MLXIP: variants seen among roughly 807,000 people sequenced by gnomAD.
MLXIP encodes MLX interacting protein.
In MLXIP, 30 loss-of-function variants were observed where a neutral mutation model predicts 87.2. The ratio of observed to expected loss-of-function variants is 0.34; its 90% CI spans 0.26 to 0.47. The LOEUF (loss-of-function observed/expected upper bound fraction) is 0.47. MLXIP is among the 20% of genes least tolerant of loss of function. The pLI is 1.00. For missense variants in MLXIP, 1,002 were observed against 1,240.1 expected (o/e 0.81, Z 2.88); for synonymous variants, 530 against 514.0 (o/e 1.03, Z -0.42).
At position 122,142,220 on chromosome 12, in the gene MLXIP, C is replaced by T. The variant is rs369823539; in HGVS notation, c.*408C>T. ...AGGCCCAGCCTTGTCCCTCCTGCCA[C>T]GTCCTGTCCACATGCATGCCTCTGC... On this transcript the variant is annotated 3_prime_UTR_variant, in exon 17 of 17. Transcript: ENST00000319080. The T allele has an allele frequency of 3.7e-5, 26 of 700,296 alleles. No individual in the cohort carries two copies. The highest frequency in any genetic ancestry group is 3.0e-4 in the East Asian group (11 of 37,222). The allele number at this position is 700,296 out of a possible 1,614,324, so 43.4% of individuals were successfully genotyped here.
chr12:122,115,984 G>T (rs892265794), intron 1 of MLXIP, among the ~76,000 whole-genome samples: 1 of 152,034 alleles, frequency 6.6e-6, no homozygotes, highest in South Asian at 2.1e-4. Context: ...CCGGGAGGTG[G>T]AGGTTGCAGT....
At chr12:122,105,792 A>G (rs1952510149) in intron 1 of MLXIP, among the ~76,000 whole-genome samples, 1 of 151,874 alleles carries the variant, frequency 6.6e-6, no homozygotes, top group Admixed American at 6.6e-5. Context: ...AAAAAAAAAA[A>G]ACTTCCCTTT....
chr12:122,120,812 T>C (rs1193408158), intron 1 of MLXIP, among the ~76,000 whole-genome samples: 1 of 152,028 alleles, frequency 6.6e-6, no homozygotes, highest in Non-Finnish European at 1.5e-5. Context: ...CACTGTGAGA[T>C]GCCCCACTCT....
intron 1 of MLXIP, among the ~76,000 whole-genome samples, chr12:122,124,060 A>C (rs1046093608): frequency 1.3e-5 from 2 of 152,068 alleles, no homozygotes; most frequent in African/African-American, 2.4e-5. Flanking sequence ...CCTTGTGCCC[A>C]CAGCCATCTG....
intron 16 of MLXIP, 26 bp from the exon 17 acceptor site, chr12:122,141,665 T>C (rs1335816937): frequency 2.5e-6 from 4 of 1,611,274 alleles, no homozygotes; most frequent in Non-Finnish European, 2.5e-6. Context: ...TGTCACTGCC[T>C]GTGTCTGACC....
chr12:122,132,299 C>G lies in MLXIP; in HGVS notation c.1008C>G (p.Phe336Leu). ...CCTGCTGTTGTTTTTCAGACCTCTT[C>G]TCTTCTAGCCGCTCCATTTTTGGCT... ...MDTFEPFQDL[F>L]SSSRSIFGSM... The change falls in exon 8 of 17, where the codon TTC becomes TTG. Residue 336 changes from phenylalanine (F) to leucine (L), a missense_variant. This residue lies in a region of MLXIP where 746 missense variants were observed against 897.0 expected (regional missense o/e 0.83). Coordinates refer to ENST00000319080, the MANE Select transcript of MLXIP (RefSeq NM_014938.6). 1 of 1,611,344 alleles carries G rather than the reference C, an allele frequency of 6.2e-7. No homozygotes were observed. Among genetic ancestry groups the G allele is most frequent in the Non-Finnish European group, 8.5e-7 (1 of 1,178,720 alleles).
At chr12:122,082,983 G>A (rs1412872977) in intron 1 of MLXIP, among the ~76,000 whole-genome samples, 1 of 152,144 alleles carries the variant, frequency 6.6e-6, no homozygotes, top group African/African-American at 2.4e-5. Flanking sequence ...ACTATGCCTG[G>A]CTAATTTTTT....
Position 122,097,990 on chromosome 12 carries a change from T to TA in MLXIP, c.413+18724_413+18725insA, listed in dbSNP as rs1952381603. Reference sequence around the variant, plus strand: ...CAGGTAGGTAAGCTCACTGGTGCTATGCACGGCCTCCTTCAGATCCTTCTC... The same window carrying TA: ...CAGGTAGGTAAGCTCACTGGTGCTATAGCACGGCCTCCTTCAGATCCTTCTC... On this transcript the variant is annotated intron_variant, in intron 1 of 16. Transcript: ENST00000319080. Among the ~76,000 whole-genome samples, 4 of 152,248 alleles carry TA rather than the reference T, an allele frequency of 2.6e-5. No homozygotes were observed. The South Asian group carries it at 6.2e-4, about 24-fold the overall frequency.
At chr12:122,127,842 G>T in intron 2 of MLXIP, 41 bp from the exon 3 acceptor site, 1 of 1,566,066 alleles carries the variant, frequency 6.4e-7, no homozygotes, top group Admixed American at 1.7e-5. Flanking sequence ...TCCCTCAGGG[G>T]TCTGGATCAT....
chr12:122,142,250 T>C lies in MLXIP; in HGVS notation c.*438T>C, dbSNP rs1953221374. ...TGTCCACATGCATGCCTCTGCCTGA[T>C]GCCCTGCTCCACTCTCTGGTCTGCC... On this transcript the variant is annotated 3_prime_UTR_variant, in exon 17 of 17. Transcript: ENST00000319080. 1.4e-6 allele frequency: 1 copy of C among 698,182 alleles called. No homozygotes were observed. The highest frequency in any genetic ancestry group is 2.6e-6 in the Non-Finnish European group (1 of 382,636). 43.2% of individuals were successfully genotyped at this position (698,182 alleles called of 1,614,324 possible).
At chr12:122,118,037 T>C (rs1952719054) in intron 1 of MLXIP, among the ~76,000 whole-genome samples, 1 of 152,176 alleles carries the variant, frequency 6.6e-6, no homozygotes, top group Admixed American at 6.6e-5. Context: ...ACTACTCTTA[T>C]GCTTTGTGGC....
rs755686073 is a variant in MLXIP, at chr12:122,078,963, A to G, written c.110A>G (p.Glu37Gly). Residue 37 changes from glutamate (E) to glycine (G), a missense_variant, in exon 1 of 17, where the codon GAG becomes GGG. Glu to Gly is a moderately conservative substitution (Grantham distance 98). This residue lies in a region of MLXIP where 129 missense variants were observed against 104.2 expected (regional missense o/e 1.24). Coordinates refer to ENST00000319080, the MANE Select transcript of MLXIP (RefSeq NM_014938.6). ...SEDDDDSDTDEPSPPPASGAA... is the reference protein window; with the variant it reads ...SEDDDDSDTDGPSPPPASGAA... ...GACGACGACGACTCGGACACGGATG[A>G]GCCGTCCCCGCCGCCCGCCTCCGGC... 9.1e-7 allele frequency: 1 copy of G among 1,095,084 alleles called. No individual in the cohort carries two copies. The highest frequency in any genetic ancestry group is 3.0e-5 in the South Asian group (1 of 33,418). The allele number at this position is 1,095,084 out of a possible 1,614,324, so 67.8% of individuals were successfully genotyped here.
intron 8 of MLXIP, chr12:122,132,974 G>C (rs886729877): frequency 4.9e-6 from 1 of 202,496 alleles, no homozygotes; most frequent in Admixed American, 5.6e-5. Context: ...CAGTTGACAC[G>C]TGAAATTGTC....
In MLXIP at chr12:122,127,896, C is replaced by A; in HGVS notation, c.534C>A (p.Arg178=). The part of the protein sequence containing the change: ...RAWYMQYLEK[R]KNPVCHFVTP... ...CTCTCTGCTCAGATCTGGAGAAGCG[C>A]AAGAATCCTGTGTGCCACTTTGTGA... Residue 178 remains arginine, a synonymous_variant, in exon 3 of 17, where the codon CGC becomes CGA. Coordinates refer to ENST00000319080, the MANE Select transcript of MLXIP (RefSeq NM_014938.6). 6.2e-7 allele frequency: 1 copy of A among 1,613,808 alleles called. No homozygotes were observed. Among genetic ancestry groups the A allele is most frequent in the Non-Finnish European group, 8.5e-7 (1 of 1,179,766 alleles).
chr12:122,081,913 C>T (rs1052822591), intron 1 of MLXIP, among the ~76,000 whole-genome samples: 1 of 152,204 alleles, frequency 6.6e-6, no homozygotes, highest in Non-Finnish European at 1.5e-5. Context: ...TCTAACTCTC[C>T]GTGGTACACT....
At chr12:122,136,679 TG>T (rs1953099782) in intron 11 of MLXIP, 1 of 152,104 alleles carries the variant, frequency 6.6e-6, no homozygotes, top group African/African-American at 2.4e-5. Context: ...AGCAAACAGT[TG>T]TCTCCCTCTT....
intron 1 of MLXIP, among the ~76,000 whole-genome samples, chr12:122,112,271 G>A (rs1952616179): frequency 6.6e-6 from 1 of 152,206 alleles, no homozygotes; most frequent in South Asian, 2.1e-4. Context: ...ATTTGTTTTT[G>A]TGAGCTGTGT....
rs750381143 is a variant in MLXIP, at chr12:122,142,134, G to A, written c.*322G>A. 44 of 701,198 alleles carry A rather than the reference G, an allele frequency of 6.3e-5. No individual in the cohort carries two copies. Among genetic ancestry groups the A allele is most frequent in the African/African-American group, 1.0e-4 (6 of 57,230 alleles). 43.4% of individuals were successfully genotyped at this position (701,198 alleles called of 1,614,324 possible). On this transcript the variant is annotated 3_prime_UTR_variant, in exon 17 of 17. Coordinates refer to ENST00000319080, the MANE Select transcript of MLXIP (RefSeq NM_014938.6). ...GGTCCTGCCCTGCTGGTGGCCTGCC[G>A]GGCCTGGCGCCGGTGAGCGGAATCG...
chr12:122,102,364 A>G (rs1026275013), intron 1 of MLXIP, among the ~76,000 whole-genome samples: 2 of 152,212 alleles, frequency 1.3e-5, no homozygotes, highest in Non-Finnish European at 2.9e-5. Context: ...ATCGTTAGGG[A>G]AATGCGCTCA....
Sources: gnomAD v4.1 joint callset for allele counts (sites outside exome capture counted in the v4.1 genomes callset) on GRCh38, gnomAD v4.1.1 for gene constraint, gnomAD v4.1.1 regional missense constraint, MANE v1.5 for transcripts, NCBI Gene and HGNC (gene_info 2026-07-23, HGNC 2026-07-21) for gene names.